Variants in PLD5 observed in about 807,000 individuals in gnomAD.
PLD5 encodes the protein inactive phospholipase D5.
In PLD5, 36 loss-of-function variants were observed where a neutral mutation model predicts 61.1. That is an observed-to-expected ratio of 0.59 (90% CI 0.45 to 0.78). The LOEUF (loss-of-function observed/expected upper bound fraction) is 0.78, where lower values mean the gene tolerates loss of function less well. Among genes scored for constraint, PLD5 ranks in the 30% least tolerant of loss-of-function variants. PLD5 has a pLI of 0.00. For missense variants in PLD5, 515 were observed against 644.4 expected, an observed-to-expected ratio of 0.80 and a Z score of 2.17; for synonymous variants, 243 against 242.8, an observed-to-expected ratio of 1.00 and a Z score of -0.01.
intron 1 of PLD5, among the ~76,000 whole-genome samples, chr1:242,447,623 C>T (rs1260687115): frequency 2.0e-5 from 3 of 152,178 alleles, no homozygotes; most frequent in Admixed American, 6.5e-5. Flanking sequence ...TTTTCCCCAA[C>T]CTTTTAAACA....
chr1:242,303,425 A>G (rs1335139226), intron 2 of PLD5, among the ~76,000 whole-genome samples: 3 of 152,238 alleles, frequency 2.0e-5, no homozygotes, highest in Non-Finnish European at 4.4e-5. Flanking sequence ...ACTTATCTAG[A>G]GAATCATTTT....
At chr1:242,253,175 G>GT (rs977586666) in intron 4 of PLD5, among the ~76,000 whole-genome samples, 1 of 138,850 alleles carries the variant, frequency 7.2e-6, no homozygotes, top group Non-Finnish European at 1.5e-5. Context: ...CTGGAGTACA[G>GT]TGGTGGATCA....
chr1:242,484,810 A>G (rs1195527992), intron 1 of PLD5, among the ~76,000 whole-genome samples: 3 of 152,230 alleles, frequency 2.0e-5, no homozygotes, highest in Non-Finnish European at 4.4e-5. Context: ...AAAATCCTCA[A>G]TAAAATACTG....
chr1:242,195,319 G>T (rs12749233), intron 5 of PLD5, among the ~76,000 whole-genome samples: 75,148 of 151,970 alleles, frequency 0.49, 18,779 homozygotes, highest in South Asian at 0.64. Flanking sequence ...GGGGTTTCTT[G>T]TCTCAGAGGG....
chr1:242,299,206 C>T (rs181041147), intron 2 of PLD5, among the ~76,000 whole-genome samples: 27 of 152,194 alleles, frequency 1.8e-4, no homozygotes, highest in African/African-American at 6.5e-4. Flanking sequence ...TTGATACAGG[C>T]ATGCGATGTG....
At chr1:242,305,072 C>A (rs1413819205) in intron 2 of PLD5, among the ~76,000 whole-genome samples, 1 of 152,086 alleles carries the variant, frequency 6.6e-6, no homozygotes, top group African/African-American at 2.4e-5. Flanking sequence ...CACAACTATA[C>A]CCCAGCCTAG....
At chr1:242,419,175 G>A (rs1370028856) in intron 1 of PLD5, among the ~76,000 whole-genome samples, 1 of 152,212 alleles carries the variant, frequency 6.6e-6, no homozygotes, top group East Asian at 1.9e-4. Flanking sequence ...TGTGGCTCAT[G>A]CTCAGTGTGG....
chr1:242,438,512 T>A (rs1040835143), intron 1 of PLD5, among the ~76,000 whole-genome samples: 6 of 150,552 alleles, frequency 4.0e-5, no homozygotes, highest in Non-Finnish European at 7.4e-5. Context: ...TGGTGCAATC[T>A]TGGCTCACTG....
Position 242,394,296 on chromosome 1 carries a change from A to ATATGTGTG in PLD5, c.190-46055_190-46054insCACACATA. Among the ~76,000 whole-genome samples the ATATGTGTG allele has an allele frequency of 2.4e-5, 2 of 84,388 alleles. 1 individual carries two copies. Among genetic ancestry groups the ATATGTGTG allele is most frequent in the African/African-American group, 1.2e-4 (2 of 17,276 alleles). The allele number at this position is 84,388 out of a possible 152,430, so 55.4% of individuals were successfully genotyped here. On this transcript the variant is annotated intron_variant, in intron 1 of 9. Transcript: ENST00000536534. ...TATATATGTGTATATATATGAGTAT[A>ATATGTGTG]TATATGAGTATATATGTGTGTATAT...
intron 1 of PLD5, among the ~76,000 whole-genome samples, chr1:242,475,289 G>C (rs1469300187): frequency 3.3e-5 from 5 of 151,906 alleles, no homozygotes; most frequent in Non-Finnish European, 7.4e-5. Context: ...TGGGCGCGGT[G>C]GCGGGCGCCT....
At chr1:242,409,154 C>T (rs1664408813) in intron 1 of PLD5, among the ~76,000 whole-genome samples, 1 of 152,124 alleles carries the variant, frequency 6.6e-6, no homozygotes, top group Admixed American at 6.6e-5. Context: ...CATCCATGAG[C>T]TCTAGACCCA....
At position 242,297,299 on chromosome 1, in the gene PLD5, G is replaced by A. The variant is rs558684552; in HGVS notation, c.327-8769C>T. Among the ~76,000 whole-genome samples, 259 of 139,968 alleles carry A rather than the reference G, an allele frequency of 1.9e-3. 3 individuals carry two copies. Among genetic ancestry groups the A allele is most frequent in the Middle Eastern group, 4.5e-3 (1 of 222 alleles). The allele number at this position is 139,968 out of a possible 152,430, so 91.8% of individuals were successfully genotyped here. On this transcript the variant is annotated intron_variant, in intron 2 of 9. Transcript: ENST00000536534. Reference sequence around the variant, plus strand: ...GCCGAGGTTGCAGTGAGCCAAGAGCGTGACACTGCACTCCAGCCCGGGTGA... The same window carrying A: ...GCCGAGGTTGCAGTGAGCCAAGAGCATGACACTGCACTCCAGCCCGGGTGA...
intron 3 of PLD5, among the ~76,000 whole-genome samples, chr1:242,267,195 A>G (rs28512457): frequency 1.2e-4 from 16 of 128,942 alleles, no homozygotes; most frequent in South Asian, 5.7e-4. Flanking sequence ...GAAAAGGAAA[A>G]GGAAAGGGAA....
At chr1:242,343,316 G>T (rs540551452) in intron 2 of PLD5, among the ~76,000 whole-genome samples, 1 of 152,096 alleles carries the variant, frequency 6.6e-6, no homozygotes, top group Non-Finnish European at 1.5e-5. Context: ...GACAACACAC[G>T]GAGAAAAGCA....
intron 1 of PLD5, among the ~76,000 whole-genome samples, chr1:242,404,940 C>T (rs1460096072): frequency 3.1e-5 from 4 of 130,980 alleles, no homozygotes; most frequent in East Asian, 2.3e-4. Context: ...AATGCAGTGG[C>T]GTGATCTTGG....
At chr1:242,371,727 C>T (rs1661645358) in intron 1 of PLD5, among the ~76,000 whole-genome samples, 2 of 152,060 alleles carry the variant, frequency 1.3e-5, no homozygotes, top group South Asian at 4.1e-4. Context: ...TCTCTGATTA[C>T]AAGGGGGCTA....
chr1:242,335,877 T>C (rs1309980193), intron 2 of PLD5, among the ~76,000 whole-genome samples: 4 of 152,200 alleles, frequency 2.6e-5, no homozygotes, highest in African/African-American at 9.6e-5. Context: ...AAAATCTAAT[T>C]ATATCTCTCT....
At chr1:242,472,599 C>T (rs942063885) in intron 1 of PLD5, among the ~76,000 whole-genome samples, 1 of 152,220 alleles carries the variant, frequency 6.6e-6, no homozygotes, top group African/African-American at 2.4e-5. Flanking sequence ...ATGTTCTCTA[C>T]TTGATATTCT....
At chr1:242,457,686 C>T (rs574091049) in intron 1 of PLD5, among the ~76,000 whole-genome samples, 5 of 152,292 alleles carry the variant, frequency 3.3e-5, no homozygotes, top group South Asian at 2.1e-4. Flanking sequence ...AAAATGACCA[C>T]GCTAACTCCT....
Sources: allele counts gnomAD v4.1 joint callset (sites outside exome capture counted in the v4.1 genomes callset), GRCh38; gene constraint gnomAD v4.1.1; transcripts MANE v1.5; gene names NCBI Gene and HGNC (gene_info 2026-07-23, HGNC 2026-07-21).